ANKRD17: variants seen among roughly 807,000 people sequenced by gnomAD.
ANKRD17 encodes the protein ankyrin repeat domain 17.
In ANKRD17, 19 loss-of-function variants were observed where a neutral mutation model predicts 229.7. The observed-to-expected ratio is 0.08, with a 90% CI of 0.06 to 0.12. The LOEUF is 0.12. Ranked by LOEUF, ANKRD17 falls within the 10% of genes least tolerant of loss-of-function variation. ANKRD17 has a pLI of 1.00. For synonymous variants in ANKRD17, 1,112 were observed against 1,146.1 expected, an observed-to-expected ratio of 0.97 and a Z score of 0.60; for missense variants, 2,176 against 3,176.8, an observed-to-expected ratio of 0.68 and a Z score of 7.57.
At chr4:73,224,161 G>A (rs1043912914) in intron 1 of ANKRD17, among the ~76,000 whole-genome samples, 1 of 152,160 alleles carries the variant, frequency 6.6e-6, no homozygotes, top group Non-Finnish European at 1.5e-5. Context: ...GTGGCTGCAT[G>A]AGAATCACGT....
chr4:73,115,753 G>A, intron 23 of ANKRD17, 68 bp downstream of exon 23: 2 of 1,245,352 alleles, frequency 1.6e-6, no homozygotes, highest in Non-Finnish European at 2.3e-6. Context: ...CTCAAACTAG[G>A]AATTCTTAGA....
Position 73,077,406 on chromosome 4 carries a change from A to G in ANKRD17, c.7536T>C (p.Gly2512=). The G allele has an allele frequency of 1.2e-6, 2 of 1,613,852 alleles. No individual in the cohort carries two copies. The highest frequency in any genetic ancestry group is 8.5e-7 in the Non-Finnish European group (1 of 1,179,914). Reference sequence around the variant, plus strand: ...CTGCAGGAACATGCTGATGGAATGTACCAGAAGGAGTTACAATTCCTGTAC... The same window carrying G: ...CTGCAGGAACATGCTGATGGAATGTGCCAGAAGGAGTTACAATTCCTGTAC... The part of the protein sequence containing the change: ...RDSTGIVTPS[G]TFHQHVPAGY... Residue 2512 remains glycine (G), a synonymous_variant, in exon 32 of 34, where the codon GGT becomes GGC. Transcript: ENST00000358602.
chr4:73,191,791 T>A (rs1378435359), intron 1 of ANKRD17, among the ~76,000 whole-genome samples: 1 of 152,060 alleles, frequency 6.6e-6, no homozygotes, highest in Non-Finnish European at 1.5e-5. Context: ...ATATTTTTCA[T>A]CCATTGACAG....
chr4:73,204,652 T>C (rs1560718885), intron 1 of ANKRD17, among the ~76,000 whole-genome samples: 1 of 152,052 alleles, frequency 6.6e-6, no homozygotes, highest in African/African-American at 2.4e-5. Context: ...TAAGAAAATA[T>C]CTTTAAATAA....
rs1289972013 is a variant in ANKRD17, at chr4:73,258,514, C to A, written c.155G>T (p.Arg52Leu). ...CAGGTCGCAGACTCGCACCATCCCACGAGGAGACGAGGCCGAGCGAGCTCT... is the reference window on the plus strand; with the variant it reads ...CAGGTCGCAGACTCGCACCATCCCAAGAGGAGACGAGGCCGAGCGAGCTCT... ...SSRARSASSP[R>L]GMVRVCDLLL... Residue 52 changes from arginine (R) to leucine (L), a missense_variant, in exon 1 of 34, where the codon CGT becomes CTT. Arg to Leu is a moderately radical substitution (Grantham distance 102, BLOSUM62 -2). Around this residue, in one of 18 missense-constraint regions of ANKRD17, gnomAD observed 196 missense variants for 190.0 expected, o/e 1.03. Transcript: ENST00000358602. 2 of 1,545,416 alleles carry A rather than the reference C, an allele frequency of 1.3e-6. No homozygotes were observed. The highest frequency in any genetic ancestry group is 1.7e-6 in the Non-Finnish European group (2 of 1,148,330).
intron 1 of ANKRD17, among the ~76,000 whole-genome samples, chr4:73,236,466 G>A (rs1743520828): frequency 6.6e-6 from 1 of 152,060 alleles, no homozygotes; most frequent in Admixed American, 6.6e-5. Context: ...CAGTCCTCTT[G>A]AGCTAAGGTT....
chr4:73,127,776 C>A (rs993472678), intron 16 of ANKRD17, among the ~76,000 whole-genome samples: 1 of 152,140 alleles, frequency 6.6e-6, no homozygotes, highest in Non-Finnish European at 1.5e-5. Context: ...ATTACATTTA[C>A]ACATTGTATT....
rs990066595 is a variant in ANKRD17, at chr4:73,254,154, T to TA, written c.393+4121dup. 6.6e-5 allele frequency among the ~76,000 whole-genome samples: 10 copies of TA among 152,184 alleles called. 1 individual carries two copies. The highest frequency in any genetic ancestry group is 3.9e-4 in the Admixed American group (6 of 15,282). ...AGGAATTTAGATAGCACTTTTCCAA[T>TA]AAAAAACAAACAAGAATATTTCCAA... is the stretch of plus-strand genomic sequence containing the variant. On this transcript the variant is annotated intron_variant, in intron 1 of 33. Coordinates refer to ENST00000358602, the MANE Select transcript of ANKRD17 (RefSeq NM_032217.5).
At chr4:73,081,316 C>T (rs988594309) in intron 30 of ANKRD17, among the ~76,000 whole-genome samples, 1 of 152,070 alleles carries the variant, frequency 6.6e-6, no homozygotes, top group Non-Finnish European at 1.5e-5. Flanking sequence ...ATGCAAGAAA[C>T]TGACAAGAAA....
chr4:73,138,857 T>C (rs2148805988), intron 15 of ANKRD17, among the ~76,000 whole-genome samples: 1 of 152,236 alleles, frequency 6.6e-6, no homozygotes, highest in African/African-American at 2.4e-5. Flanking sequence ...TGAAACTAGT[T>C]ATAATCGAAT....
intron 6 of ANKRD17, among the ~76,000 whole-genome samples, 176 bp downstream of exon 6, chr4:73,153,704 A>G (rs1239896676): frequency 1.3e-5 from 2 of 152,252 alleles, no homozygotes; most frequent in African/African-American, 2.4e-5. Context: ...AGTTAAATCT[A>G]TATTTTAAAA....
rs767522435 is a variant in ANKRD17 at position 73,132,109 on chromosome 4, GT to G, written c.3234+3007del. Among the ~76,000 whole-genome samples the G allele has an allele frequency of 2.5e-3, 349 of 140,084 alleles. 1 individual carries two copies. Among genetic ancestry groups the G allele is most frequent in the South Asian group, 0.018 (81 of 4,392 alleles). The allele number at this position is 140,084 out of a possible 152,430, so 91.9% of individuals were successfully genotyped here. A position where few individuals can be genotyped will look rare whatever the true frequency, so the allele number is the denominator to read the frequency against. On this transcript the variant is annotated intron_variant, in intron 16 of 33. Coordinates refer to ENST00000358602, the MANE Select transcript of ANKRD17 (RefSeq NM_032217.5). ...TACCTGCTTGATATAAAAACTAGTT[GT>G]TTTTTTTTTTTTTGAGACAGAGTTT...
At chr4:73,173,798 A>ACTGGGTGTCTGGGAAG (rs1734352704) in intron 2 of ANKRD17, among the ~76,000 whole-genome samples, 1 of 152,146 alleles carries the variant, frequency 6.6e-6, no homozygotes, top group African/African-American at 2.4e-5. Context: ...AGAGCCTTGT[A>ACTGGGTGTCTGGGAAG]AGCACACCCA....
chr4:73,217,785 G>A (rs1304469045), intron 1 of ANKRD17, among the ~76,000 whole-genome samples: 1 of 152,150 alleles, frequency 6.6e-6, no homozygotes, highest in African/African-American at 2.4e-5. Context: ...AAAAAAAATT[G>A]CATAAAACTA....
chr4:73,077,784 ATAT>A (rs1721143723), intron 31 of ANKRD17, among the ~76,000 whole-genome samples: 1 of 152,240 alleles, frequency 6.6e-6, no homozygotes, highest in African/African-American at 2.4e-5. Context: ...CTGAAAGGAA[ATAT>A]TATTATGTCC....
intron 2 of ANKRD17, among the ~76,000 whole-genome samples, chr4:73,166,906 C>T (rs1319843461): frequency 1.3e-5 from 2 of 151,524 alleles, no homozygotes; most frequent in African/African-American, 4.9e-5. Context: ...TGATTTAAAC[C>T]AACTGTAAAA....
chr4:73,175,247 A>G (rs1734576624), intron 2 of ANKRD17, among the ~76,000 whole-genome samples: 1 of 152,136 alleles, frequency 6.6e-6, no homozygotes, highest in Admixed American at 6.5e-5. Context: ...CAGGAGAGAG[A>G]AGTGTGAGGA....
chr4:73,126,575 A>G (rs1472698692), intron 16 of ANKRD17, among the ~76,000 whole-genome samples: 1 of 152,154 alleles, frequency 6.6e-6, no homozygotes, highest in Non-Finnish European at 1.5e-5. Flanking sequence ...TTGAAAAACA[A>G]AGACTATTAT....
At position 73,140,180 on chromosome 4, in the gene ANKRD17, C is replaced by T. The variant is rs1199473037; in HGVS notation, c.2436G>A (p.Gln812=). ...TCTGTTCCAGTTCTGTTAACTTTCC[C>T]TGAGCCTCTTCTACAATGCTCTCTG... ...QSPESIVEEA[Q]GKLTELEQRI... Residue 812 remains glutamine (Q), a synonymous_variant, in exon 15 of 34, where the codon CAG becomes CAA. Coordinates refer to ENST00000358602, the MANE Select transcript of ANKRD17 (RefSeq NM_032217.5). 6.2e-7 allele frequency: 1 copy of T among 1,614,140 alleles called. No homozygotes were observed. The highest frequency in any genetic ancestry group is 1.7e-5 in the Admixed American group (1 of 60,010).
Sources: gnomAD v4.1 joint callset for allele counts (sites outside exome capture counted in the v4.1 genomes callset) on GRCh38, gnomAD v4.1.1 for gene constraint, gnomAD v4.1.1 regional missense constraint, MANE v1.5 for transcripts, NCBI Gene and HGNC (gene_info 2026-07-23, HGNC 2026-07-21) for gene names.